Variants in KIAA1217 observed in about 807,000 individuals in gnomAD.
KIAA1217 encodes sickle tail protein homolog.
KIAA1217 carries 88 observed loss-of-function variants against 163.9 expected under a neutral mutation model. The observed-to-expected ratio is 0.54, with a 90% CI of 0.45 to 0.64. The LOEUF (loss-of-function observed/expected upper bound fraction) is 0.64. KIAA1217 is among the 30% of genes least tolerant of loss of function. The pLI is 0.00. For missense variants in KIAA1217, 2,372 were observed against 2,475.0 expected, an observed-to-expected ratio of 0.96 and a Z score of 0.88; for synonymous variants, 903 against 923.1, an observed-to-expected ratio of 0.98 and a Z score of 0.39.
chr10:24,233,800 T>C (rs1384183330), intron 2 of KIAA1217, among the ~76,000 whole-genome samples: 1 of 152,202 alleles, frequency 6.6e-6, no homozygotes, highest in African/African-American at 2.4e-5. Context: ...TTGATTGTAT[T>C]ATTCATTTCT....
At chr10:23,779,347 C>A (rs764760862) in intron 1 of KIAA1217, among the ~76,000 whole-genome samples, 2 of 152,288 alleles carry the variant, frequency 1.3e-5, no homozygotes, top group Admixed American at 1.3e-4. Flanking sequence ...CTTTCTTCAT[C>A]GTCTCCCTTT....
In KIAA1217 at chr10:24,138,686, C is replaced by T. The variant is rs372826183; in HGVS notation, c.-170-80940C>T. Among the ~76,000 whole-genome samples, 12 of 151,142 alleles carry T rather than the reference C, an allele frequency of 7.9e-5. No homozygotes were observed. The East Asian group carries it at 2.3e-3, about 29-fold the overall frequency. ...CACTCCAATGAACATTTATATATCA[C>T]CACTTCCCCCTATCTGGAATTAATT... On this transcript the variant is annotated intron_variant, in intron 2 of 18. Coordinates refer to the KIAA1217 transcript ENST00000376462.
chr10:24,524,148 G>A (rs1336145515), intron 12 of KIAA1217, among the ~76,000 whole-genome samples, 175 bp from the exon 13 acceptor site: 1 of 152,226 alleles, frequency 6.6e-6, no homozygotes, highest in Middle Eastern at 3.4e-3. Flanking sequence ...GAGTTGCAAG[G>A]GTCTGAGCAC....
chr10:24,422,205 G>T (rs2058787775), intron 3 of KIAA1217, among the ~76,000 whole-genome samples: 1 of 152,128 alleles, frequency 6.6e-6, no homozygotes, highest in African/African-American at 2.4e-5. Context: ...CTCCCACCAG[G>T]TCCCTCCTAT....
At chr10:23,902,416 A>G (rs986867390) in intron 1 of KIAA1217, among the ~76,000 whole-genome samples, 1 of 152,034 alleles carries the variant, frequency 6.6e-6, no homozygotes, top group Non-Finnish European at 1.5e-5. Context: ...AAGAAGTCTG[A>G]TTGGATGGGC....
At position 24,273,855 on chromosome 10, in the gene KIAA1217, A is replaced by G. The variant is rs74859388; in HGVS notation, c.354+53946A>G. Among the ~76,000 whole-genome samples the G allele has an allele frequency of 9.4e-3, 1,422 of 151,052 alleles. 28 individuals are homozygous for G. The highest frequency in any genetic ancestry group is 0.086 in the East Asian group (444 of 5,144). ...GCGACAGAACAAGACTCTGTCTCAA[A>G]AAAAAAAAAAAAGTCCAAGTTACTG... On this transcript the variant is annotated intron_variant, in intron 2 of 20. Coordinates refer to ENST00000376454, the MANE Select transcript of KIAA1217 (RefSeq NM_019590.5).
At chr10:23,856,264 G>C (rs991484778) in intron 1 of KIAA1217, among the ~76,000 whole-genome samples, 1 of 152,220 alleles carries the variant, frequency 6.6e-6, no homozygotes, top group Non-Finnish European at 1.5e-5. Context: ...GTTGGAGTTT[G>C]CTAGAGGTCC....
intron 1 of KIAA1217, among the ~76,000 whole-genome samples, chr10:23,790,209 A>G (rs1333041040): frequency 9.5e-6 from 1 of 105,338 alleles, no homozygotes; most frequent in Non-Finnish European, 1.8e-5. Context: ...GCATATACAC[A>G]TATACACATA....
intron 1 of KIAA1217, among the ~76,000 whole-genome samples, chr10:23,979,425 A>G (rs890684492): frequency 2.0e-5 from 3 of 152,066 alleles, no homozygotes; most frequent in Non-Finnish European, 4.4e-5. Context: ...AACACAAACA[A>G]CCGCATTTTT....
chr10:24,378,751 G>A (rs987643279), intron 2 of KIAA1217, among the ~76,000 whole-genome samples: 2 of 152,128 alleles, frequency 1.3e-5, no homozygotes, highest in Admixed American at 6.5e-5. Context: ...TCAGAGGGGA[G>A]GGTACTGCGT....
At position 23,714,212 on chromosome 10, in the gene KIAA1217, G is replaced by A. The variant is rs117480506; in HGVS notation, c.-321+18978G>A. On this transcript the variant is annotated intron_variant, in intron 1 of 18. Coordinates refer to the KIAA1217 transcript ENST00000376462. ...CTGTTTGTTATTATATTGCTGAAGC[G>A]TTCATGATGTTTCAGCTGGAACTAT... is the stretch of plus-strand genomic sequence containing the variant. 4.2e-3 allele frequency among the ~76,000 whole-genome samples: 633 copies of A among 149,664 alleles called. 2 individuals are homozygous for A. The highest frequency in any genetic ancestry group is 8.4e-3 in the African/African-American group (329 of 39,240).
chr10:24,064,177 T>A (rs914403495), intron 2 of KIAA1217, among the ~76,000 whole-genome samples: 10 of 152,184 alleles, frequency 6.6e-5, no homozygotes, highest in African/African-American at 2.4e-4. Flanking sequence ...TCCAACACTA[T>A]GTTGAATAGG....
chr10:23,984,193 TC>T (rs1210582577), intron 1 of KIAA1217, among the ~76,000 whole-genome samples: 1 of 152,144 alleles, frequency 6.6e-6, no homozygotes, highest in Non-Finnish European at 1.5e-5. Flanking sequence ...GAGAGAAGCT[TC>T]CTTTTCCATC....
intron 10 of KIAA1217, among the ~76,000 whole-genome samples, chr10:24,519,499 C>T (rs2070749422): frequency 6.6e-6 from 1 of 152,040 alleles, no homozygotes. Context: ...ATTTTGCTCC[C>T]CCTTCCCCAG....
chr10:23,994,049 G>A (rs1332979433), intron 1 of KIAA1217, among the ~76,000 whole-genome samples: 1 of 152,120 alleles, frequency 6.6e-6, no homozygotes, highest in Non-Finnish European at 1.5e-5. Context: ...AAGGCTTAGC[G>A]ACTACTCTAG....
Position 24,409,880 on chromosome 10 carries a change from T to A in KIAA1217, c.554-23115T>A, listed in dbSNP as rs189531078. On this transcript the variant is annotated intron_variant, in intron 3 of 20. Transcript: ENST00000376454. ...CATTCCTGAGTTACTTCACTTAGAA[T>A]AATAGTATCCAGTGCCATCCAGGTT... is the stretch of plus-strand genomic sequence containing the variant. Among the ~76,000 whole-genome samples, 15 of 152,248 alleles carry A rather than the reference T, an allele frequency of 9.9e-5. No individual in the cohort carries two copies. The East Asian group carries it at 2.7e-3, about 27-fold the overall frequency.
chr10:24,427,612 T>A (rs1454357910), intron 3 of KIAA1217, among the ~76,000 whole-genome samples: 1 of 152,210 alleles, frequency 6.6e-6, no homozygotes, highest in Non-Finnish European at 1.5e-5. Context: ...ATGAAATACA[T>A]ACACATGGTT....
At chr10:24,459,078 C>T (rs2062089853) in intron 5 of KIAA1217, among the ~76,000 whole-genome samples, 1 of 152,088 alleles carries the variant, frequency 6.6e-6, no homozygotes, top group African/African-American at 2.4e-5. Context: ...ACTAAACTCT[C>T]CAGGTGATTC....
At chr10:24,115,069 C>CA (rs551357783) in intron 2 of KIAA1217, among the ~76,000 whole-genome samples, 163 of 152,322 alleles carry the variant, frequency 1.1e-3, no homozygotes, top group African/African-American at 3.8e-3. Context: ...TTTTCTACAT[C>CA]ATATTGCTTT....
Sources: gnomAD v4.1 joint callset for allele counts (sites outside exome capture counted in the v4.1 genomes callset) on GRCh38, gnomAD v4.1.1 for gene constraint, MANE v1.5 for transcripts, NCBI Gene and HGNC (gene_info 2026-07-23, HGNC 2026-07-21) for gene names.